The following PALB2 variants were observed in gnomAD, a reference collection of about 807,000 sequenced individuals.
The protein encoded by PALB2 is partner and localizer of BRCA2.
In PALB2, 82 loss-of-function variants were observed where a neutral mutation model predicts 107.4. The ratio of observed to expected loss-of-function variants is 0.76; its 90% CI spans 0.64 to 0.92. The LOEUF is 0.92. Ranked by LOEUF, PALB2 falls within the 40% of genes least tolerant of loss-of-function variation. The pLI is 0.00. For missense variants in PALB2, 1,374 were observed against 1,379.9 expected (o/e 1.00, Z 0.07); for synonymous variants, 489 against 496.8 (o/e 0.98, Z 0.21).
chr16:23,629,389 A>G (rs1966854552), intron 5 of PALB2, 114 bp from the exon 6 acceptor site: 1 of 1,045,244 alleles, frequency 9.6e-7, no homozygotes, highest in Admixed American at 1.8e-5. Context: ...TTATAACAGC[A>G]GCAAAGCTCC....
At chr16:23,627,147 C>G (rs770518903) in intron 6 of PALB2, among the ~76,000 whole-genome samples, 1 of 152,002 alleles carries the variant, frequency 6.6e-6, no homozygotes, top group Non-Finnish European at 1.5e-5. Context: ...AACCACAGAG[C>G]GTGGCCAAAG....
At chr16:23,629,496 T>C in intron 5 of PALB2, 144 bp downstream of exon 5, 1 of 941,220 alleles carries the variant, frequency 1.1e-6, no homozygotes, top group African/African-American at 1.6e-5. Flanking sequence ...ATGAACTTAA[T>C]GATTACAATG....
In PALB2 at chr16:23,603,548, G is replaced by A. The variant is rs2142253005; in HGVS notation, c.3472C>T (p.His1158Tyr). The A allele has an allele frequency of 1.2e-6, 2 of 1,614,070 alleles. No individual in the cohort carries two copies. Among genetic ancestry groups the A allele is most frequent in the East Asian group, 4.5e-5 (2 of 44,876 alleles). Residue 1158 changes from histidine (H) to tyrosine (Y), a missense_variant, in exon 13 of 13, where the codon CAT becomes TAT. By Grantham distance (83) the His-to-Tyr change is moderately conservative. Transcript: ENST00000261584. The stretch of plus-strand genomic sequence containing the variant: ...CCCGACCATTTCACAAAAGACCAAT[G>A]TTGGTCAGAGACAGGTGGGAGGAGG... ...TALLPPVSDQ[H>Y]WSFVKWSGTD...
intron 1 of PALB2, chr16:23,638,641 C>A: frequency 2.3e-6 from 1 of 432,014 alleles, no homozygotes; most frequent in Non-Finnish European, 4.6e-6. Flanking sequence ...GCTCCAGATG[C>A]TATTCTAGAT....
In PALB2 at chr16:23,635,644, T is replaced by C. The variant is rs759014440; in HGVS notation, c.902A>G (p.Asp301Gly). Residue 301 changes from aspartate (D) to glycine (G), a missense_variant, in exon 4 of 13, where the codon GAT becomes GGT. Physicochemically the swap from Asp to Gly is moderately conservative, Grantham distance 94. Coordinates refer to ENST00000261584, the MANE Select transcript of PALB2 (RefSeq NM_024675.4). Reference protein sequence around the residue: ...AQGKKMTVSTDNLLVNKAISK... With the variant: ...AQGKKMTVSTGNLLVNKAISK... ...TATAGCTTTATTTACAAGGAGGTTA[T>C]CTGTAGAGACAGTCATTTTTTTGCC... The C allele has an allele frequency of 2.0e-5, 32 of 1,614,036 alleles. No homozygotes were observed. Among genetic ancestry groups the C allele is most frequent in the Admixed American group, 5.0e-5 (3 of 60,004 alleles).
intron 8 of PALB2, among the ~76,000 whole-genome samples, chr16:23,623,606 C>T (rs749899212): frequency 1.4e-5 from 2 of 146,086 alleles, no homozygotes; most frequent in Non-Finnish European, 3.0e-5. Context: ...CTCTGTTTCC[C>T]GGGTTCAGGC....
In PALB2 at chr16:23,635,889, G is replaced by C. The variant is rs1467537798; in HGVS notation, c.657C>G (p.Asp219Glu). 6.2e-7 allele frequency: 1 copy of C among 1,613,980 alleles called. No individual in the cohort carries two copies. The highest frequency in any genetic ancestry group is 2.2e-5 in the East Asian group (1 of 44,890). Reference sequence around the variant, plus strand: ...GGGCAGTTGGTGGAATTAATACACTGTCTTCATTAATTTCTGTAACTGGTT... The same window carrying C: ...GGGCAGTTGGTGGAATTAATACACTCTCTTCATTAATTTCTGTAACTGGTT... The part of the protein sequence containing the change: ...SPEPVTEINE[D>E]SVLIPPTAQP... Residue 219 changes from aspartate (D) to glutamate (E), a missense_variant, in exon 4 of 13, where the codon GAC becomes GAG. Physicochemically the swap from Asp to Glu is conservative, Grantham distance 45. Transcript: ENST00000261584.
chr16:23,622,868 C>T lies in PALB2; in HGVS notation c.2996+101G>A, dbSNP rs1008320917. 5 of 1,343,606 alleles carry T rather than the reference C, an allele frequency of 3.7e-6. No homozygotes were observed. In the Admixed American group the frequency reaches 8.4e-5, roughly 23 times the overall value. 83.2% of individuals were successfully genotyped at this position (1,343,606 alleles called of 1,614,324 possible). A position where few individuals can be genotyped will look rare whatever the true frequency, so the allele number is the denominator to read the frequency against. ...GCGGTACATGCTTATATTACACCCCCAGCACAGAAAAACGAGATCCTAGTT... is the reference window on the plus strand; with the variant it reads ...GCGGTACATGCTTATATTACACCCCTAGCACAGAAAAACGAGATCCTAGTT... On this transcript the variant is annotated intron_variant, in intron 9 of 12. Transcript: ENST00000261584.
intron 12 of PALB2, among the ~76,000 whole-genome samples, chr16:23,606,613 C>T (rs996877961): frequency 6.6e-6 from 1 of 152,056 alleles, no homozygotes; most frequent in Non-Finnish European, 1.5e-5. Flanking sequence ...GCAACCTCTC[C>T]CTCCCGGGTT....
In PALB2 at chr16:23,617,385, C is replaced by T. The variant is rs114270306; in HGVS notation, c.3114-3294G>A. On this transcript the variant is annotated intron_variant, in intron 10 of 12. Transcript: ENST00000261584. Reference sequence around the variant, plus strand: ...GAGACATGGTACCTGTCTTCAAAAACGAGAGAGGATAAATAACACAAAGCA... The same window carrying T: ...GAGACATGGTACCTGTCTTCAAAAATGAGAGAGGATAAATAACACAAAGCA... 3.1e-3 allele frequency among the ~76,000 whole-genome samples: 476 copies of T among 151,790 alleles called. 5 individuals are homozygous for T. The highest frequency in any genetic ancestry group is 0.011 in the African/African-American group (448 of 41,386).
chr16:23,631,790 C>T (rs1966880214), intron 4 of PALB2, among the ~76,000 whole-genome samples: 1 of 152,162 alleles, frequency 6.6e-6, no homozygotes, highest in African/African-American at 2.4e-5. Context: ...AATGCTGGCT[C>T]TTCTCACTAT....
Position 23,629,992 on chromosome 16 carries a change from G to A in PALB2, c.2162C>T (p.Thr721Ile), listed in dbSNP as rs2142379467. Residue 721 changes from threonine (T) to isoleucine (I), a missense_variant, in exon 5 of 13, where the codon ACA (threonine) becomes ATA (isoleucine). Transcript: ENST00000261584. Reference protein sequence around the residue: ...VAPDDNDRPTTDMCSPAFPIL... With the variant: ...VAPDDNDRPTIDMCSPAFPIL... ...GGGGAAAGCAGGTGAACACATGTCTGTGGTAGGCCTGTCATTATCATCAGG... is the reference window on the plus strand; with the variant it reads ...GGGGAAAGCAGGTGAACACATGTCTATGGTAGGCCTGTCATTATCATCAGG... The A allele has an allele frequency of 6.2e-7, 1 of 1,614,148 alleles. No homozygotes were observed. Among genetic ancestry groups the A allele is most frequent in the Non-Finnish European group, 8.5e-7 (1 of 1,180,026 alleles).
intron 11 of PALB2, among the ~76,000 whole-genome samples, chr16:23,608,350 C>T (rs1966520026): frequency 1.3e-5 from 2 of 151,952 alleles, no homozygotes. Context: ...CCACCGCGCT[C>T]AGCCAACTTC....
chr16:23,630,293 G>T lies in PALB2; in HGVS notation c.1861C>A (p.Pro621Thr), dbSNP rs756116550. The change falls in exon 5 of 13, where the codon CCT becomes ACT. Residue 621 changes from proline (P) to threonine (T), a missense_variant. By Grantham distance (38) the Pro-to-Thr change is conservative. Transcript: ENST00000261584. ...DFQLPDEDFG[P>T]LKLEKVKSCS... ...GACTTCACTTTTTCAAGCTTAAGAG[G>T]TCCAAAGTCTTCATCAGGTAACTGA... 15 of 1,614,098 alleles carry T rather than the reference G, an allele frequency of 9.3e-6. No individual in the cohort carries two copies. The Admixed American group carries it at 1.5e-4, about 16-fold the overall frequency.
At chr16:23,618,610 A>G (rs371216522) in intron 10 of PALB2, among the ~76,000 whole-genome samples, 65 of 152,254 alleles carry the variant, frequency 4.3e-4, no homozygotes, top group African/African-American at 1.5e-3. Flanking sequence ...CAGGCATTCG[A>G]GGTTGCAGTG....
At chr16:23,605,721 G>GT (rs1399174224) in intron 12 of PALB2, 4 of 152,164 alleles carry the variant, frequency 2.6e-5, no homozygotes, top group African/African-American at 9.7e-5. Context: ...AAATAGCAGT[G>GT]TTTTGCTATG....
chr16:23,627,230 G>A (rs1966845132), intron 6 of PALB2, among the ~76,000 whole-genome samples: 1 of 151,976 alleles, frequency 6.6e-6, no homozygotes, highest in Non-Finnish European at 1.5e-5. Flanking sequence ...GCTCACGCCT[G>A]TAATCCCAGC....
At chr16:23,607,209 A>G (rs553391695) in intron 12 of PALB2, 1 of 152,360 alleles carries the variant, frequency 6.6e-6, no homozygotes, top group South Asian at 2.1e-4. Flanking sequence ...AAGTACCTTA[A>G]ATTTTCCTTA....
chr16:23,638,869 G>T (rs1429800732), intron 1 of PALB2, among the ~76,000 whole-genome samples: 1 of 152,112 alleles, frequency 6.6e-6, no homozygotes, highest in Non-Finnish European at 1.5e-5. Context: ...AAGATCAGAG[G>T]GAACGGTACC....
Sources: gnomAD v4.1 joint callset for allele counts (sites outside exome capture counted in the v4.1 genomes callset) on GRCh38, gnomAD v4.1.1 for gene constraint, MANE v1.5 for transcripts, NCBI Gene and HGNC (gene_info 2026-07-23, HGNC 2026-07-21) for gene names.